PWWP2A: variants seen among roughly 807,000 people sequenced by gnomAD.
PWWP2A encodes PWWP domain-containing protein 2A.
A neutral mutation model predicts 48.5 loss-of-function variants in PWWP2A; 18 were observed. The ratio of observed to expected loss-of-function variants is 0.37; its 90% CI spans 0.26 to 0.55. PWWP2A has a LOEUF of 0.55. PWWP2A is among the 20% of genes least tolerant of loss of function. The pLI, the probability that PWWP2A is intolerant of heterozygous loss-of-function variation, is 0.81. For synonymous variants in PWWP2A, 396 were observed against 387.7 expected, an observed-to-expected ratio of 1.02 and a Z score of -0.25; for missense variants, 867 against 976.4, an observed-to-expected ratio of 0.89 and a Z score of 1.49.
chr5:160,117,845 A>G (rs1758296929), intron 1 of PWWP2A: 1 of 982,220 alleles, frequency 1.0e-6, no homozygotes, highest in African/African-American at 1.7e-5. Context: ...GCCATTGCAA[A>G]CAGGTGAGAT....
chr5:160,116,229 A>G (rs1209699421), intron 1 of PWWP2A, among the ~76,000 whole-genome samples: 1 of 151,864 alleles, frequency 6.6e-6, no homozygotes, highest in Non-Finnish European at 1.5e-5. Flanking sequence ...TAAGTTTTAT[A>G]TTTTTTTCGT....
exon 4 of PWWP2A, chr5:160,076,525 A>G (rs1232619044): frequency 3.3e-5 from 5 of 152,234 alleles, no homozygotes; most frequent in African/African-American, 1.2e-4. Context: ...ATTTGATAAA[A>G]TATATAATGA....
Position 160,119,163 on chromosome 5 carries a change from C to CCGGCGGCGG in PWWP2A, c.217_225dup (p.Pro73_Pro75dup), listed in dbSNP as rs772304273. ...GCCTCTGGGCTGCGGGCGAGCTCCC[C>CCGGCGGCGG]CGGCGGCGGCGGTGGCGGCGGGAGC... On this transcript the variant is annotated inframe_insertion, in exon 1 of 2. Coordinates refer to ENST00000307063, the MANE Select transcript of PWWP2A (RefSeq NM_001130864.2). The CCGGCGGCGG allele has an allele frequency of 3.3e-6, 5 of 1,529,382 alleles. No homozygotes were observed. The highest frequency in any genetic ancestry group is 1.4e-5 in the African/African-American group (1 of 68,998). 94.7% of individuals were successfully genotyped at this position (1,529,382 alleles called of 1,614,324 possible).
chr5:160,056,550 C>G, the PWWP2A span, among the ~76,000 whole-genome samples: 1 of 152,062 alleles, frequency 6.6e-6, no homozygotes, highest in South Asian at 2.1e-4. Flanking sequence ...ATAGCAAGAC[C>G]CTGTCTCTAC....
At chr5:160,051,232 G>A in the PWWP2A span, 1 of 1,494,778 alleles carries the variant, frequency 6.7e-7, no homozygotes, top group African/African-American at 1.4e-5. Flanking sequence ...AGGAACCTAG[G>A]GTGGGGACAT....
intron 1 of PWWP2A, among the ~76,000 whole-genome samples, chr5:160,109,522 T>C (rs1468663544): frequency 1.3e-5 from 2 of 151,870 alleles, no homozygotes; most frequent in Admixed American, 6.6e-5. Context: ...TCTTTGCAAA[T>C]AGTCTTGAGT....
intron 1 of PWWP2A, among the ~76,000 whole-genome samples, chr5:160,095,780 G>C (rs558830620): frequency 2.0e-4 from 29 of 142,638 alleles, no homozygotes; most frequent in African/African-American, 7.6e-4. Flanking sequence ...CTGCAGCCTC[G>C]ACCTCCTAGG....
intron 1 of PWWP2A, 69 bp from the exon 2 acceptor site, chr5:160,094,134 A>AACAAC: frequency 7.0e-7 from 1 of 1,432,064 alleles, no homozygotes; most frequent in South Asian, 1.5e-5. Flanking sequence ...CTTAAACGTA[A>AACAAC]ACAACATCTG....
At position 160,119,223 on chromosome 5, in the gene PWWP2A, C is replaced by A. The variant is rs1286907246; in HGVS notation, c.166G>T (p.Gly56Trp). ...EASVPDGETD[G>W]QQSAPQADEP... ...TCGGCCTGAGGAGCGGATTGCTGCC[C>A]GTCAGTCTCGCCATCCGGCACAGAC... The change falls in exon 1 of 2, where the codon GGG becomes TGG. Residue 56 changes from glycine to tryptophan, a missense_variant. Gly to Trp is a radical substitution (Grantham distance 184). This residue lies in a region of PWWP2A where 385 missense variants were observed against 396.9 expected (regional missense o/e 0.97). Transcript: ENST00000307063. 1 of 1,438,082 alleles carries A rather than the reference C, an allele frequency of 7.0e-7. No homozygotes were observed. Among genetic ancestry groups the A allele is most frequent in the Non-Finnish European group, 9.0e-7 (1 of 1,108,898 alleles). The allele number at this position is 1,438,082 out of a possible 1,614,324, so 89.1% of individuals were successfully genotyped here. A position where few individuals can be genotyped will look rare whatever the true frequency, so the allele number is the denominator to read the frequency against.
the PWWP2A span, among the ~76,000 whole-genome samples, chr5:160,047,768 C>T: frequency 6.6e-5 from 10 of 152,180 alleles, no homozygotes; most frequent in African/African-American, 1.9e-4. Context: ...CTTCCTGGCA[C>T]GCTCCTCCTT....
In PWWP2A at chr5:160,078,130, A is replaced by G. The variant is rs1373164248; in HGVS notation, c.*25T>C. On this transcript the variant is annotated 3_prime_UTR_variant, in exon 4 of 4. Coordinates refer to the PWWP2A transcript ENST00000456329. The surrounding 1 kb of genome is among the most constrained non-coding windows in gnomAD (Gnocchi z 4.2). ...CTGGTGTTCTCTGTGTCATTGTGGTACAGGTCCATGAAACCAGCAGCCTGC... is the reference window on the plus strand; with the variant it reads ...CTGGTGTTCTCTGTGTCATTGTGGTGCAGGTCCATGAAACCAGCAGCCTGC... 1.3e-6 allele frequency: 2 copies of G among 1,550,400 alleles called. No individual in the cohort carries two copies. The highest frequency in any genetic ancestry group is 2.4e-5 in the South Asian group (2 of 84,310).
Position 160,093,647 on chromosome 5 carries a change from C to A in PWWP2A, c.1003G>T (p.Glu335Ter), listed in dbSNP as rs771729007. Reference protein sequence around the residue: ...CKNSVVAEKKEIRKGSSATDS... With the variant: ...CKNSVVAEKK ...GTTGCACTACTACCTTTTCTAATTT[C>A]CTTTTTTTCAGCAACAACACTGTTT... The change falls in exon 2 of 2, where the codon GAA becomes TAA. Residue 335 changes from glutamate to a stop codon, truncating the protein, a stop_gained. Coordinates refer to ENST00000307063, the MANE Select transcript of PWWP2A (RefSeq NM_001130864.2). LOFTEE classifies it high-confidence loss of function. The surrounding 1 kb of genome is among the most constrained non-coding windows in gnomAD (Gnocchi z 5.8). The A allele has an allele frequency of 6.2e-7, 1 of 1,613,996 alleles. No homozygotes were observed.
the PWWP2A span, among the ~76,000 whole-genome samples, chr5:160,044,759 G>C: frequency 6.6e-6 from 1 of 152,136 alleles, no homozygotes; most frequent in Non-Finnish European, 1.5e-5. Flanking sequence ...GTCTCATCCT[G>C]TGACTAAGAA....
chr5:160,062,932 C>T (rs1753468812), intron 5 of PWWP2A, among the ~76,000 whole-genome samples: 1 of 152,104 alleles, frequency 6.6e-6, no homozygotes, highest in African/African-American at 2.4e-5. Context: ...TGTTGTGAGC[C>T]CCTCCCTCTA....
In PWWP2A at chr5:160,081,699, A is replaced by C. The variant is rs148775595; in HGVS notation, c.1550-929T>G. 3.7e-3 allele frequency among the ~76,000 whole-genome samples: 557 copies of C among 152,346 alleles called. 4 individuals are homozygous for C. The highest frequency in any genetic ancestry group is 0.013 in the African/African-American group (526 of 41,574). Reference sequence around the variant, plus strand: ...ATAACAAGATAAGCTTTTTTATGACACTTAAGCTTTCAAAACAGACTTCAA... The same window carrying C: ...ATAACAAGATAAGCTTTTTTATGACCCTTAAGCTTTCAAAACAGACTTCAA... On this transcript the variant is annotated intron_variant, in intron 2 of 3. Coordinates refer to the PWWP2A transcript ENST00000456329.
chr5:160,070,123 C>T (rs987892784), intron 2 of PWWP2A, among the ~76,000 whole-genome samples: 1 of 152,138 alleles, frequency 6.6e-6, no homozygotes, highest in African/African-American at 2.4e-5. Context: ...TTTCATTTTA[C>T]TCATGGATCC....
intron 1 of PWWP2A, among the ~76,000 whole-genome samples, chr5:160,112,126 CAAA>C (rs11480893): frequency 2.2e-5 from 2 of 90,876 alleles, no homozygotes; most frequent in Non-Finnish European, 2.0e-5. Context: ...GACCCTTTCT[CAAA>C]AAAAAAAAAA....
the PWWP2A span, among the ~76,000 whole-genome samples, chr5:160,046,459 G>C: frequency 1.3e-5 from 2 of 151,922 alleles, no homozygotes; most frequent in African/African-American, 4.8e-5. Flanking sequence ...GAAGTCTCTA[G>C]ATCTTAGTTG....
chr5:160,108,719 G>A, intron 1 of PWWP2A: 1 of 496,662 alleles, frequency 2.0e-6, no homozygotes, highest in African/African-American at 2.0e-5. Context: ...AGTTTCCTAA[G>A]GAAATCATCA....
Sources: allele counts gnomAD v4.1 joint callset (sites outside exome capture counted in the v4.1 genomes callset), GRCh38; gene constraint gnomAD v4.1.1; regional missense constraint gnomAD v4.1.1; non-coding constraint Gnocchi (gnomAD v3.1); transcripts MANE v1.5; gene names NCBI Gene and HGNC (gene_info 2026-07-23, HGNC 2026-07-21).